Variants in RBFOX3 observed in about 807,000 individuals in gnomAD.
RBFOX3 encodes the protein RNA binding protein fox-1 homolog 3.
A neutral mutation model predicts 48.7 loss-of-function variants in RBFOX3; 17 were observed. That is an observed-to-expected ratio of 0.35 (90% CI 0.24 to 0.52). The LOEUF (loss-of-function observed/expected upper bound fraction) is 0.52, where lower values mean the gene tolerates loss of function less well. Among genes scored for constraint, RBFOX3 ranks in the 20% least tolerant of loss-of-function variants. The pLI, the probability that RBFOX3 is intolerant of heterozygous loss-of-function variation, is 0.94. For synonymous variants in RBFOX3, 212 were observed against 209.5 expected, an observed-to-expected ratio of 1.01 and a Z score of -0.10; for missense variants, 382 against 497.5, an observed-to-expected ratio of 0.77 and a Z score of 2.21.
At chr17:79,533,177 G>T (rs1289038235) in intron 1 of RBFOX3, among the ~76,000 whole-genome samples, 1 of 152,252 alleles carries the variant, frequency 6.6e-6, no homozygotes, top group African/African-American at 2.4e-5. Context: ...GCTGGGACTT[G>T]AACCCGGCCA....
chr17:79,320,929 A>G (rs1209489494), intron 2 of RBFOX3, among the ~76,000 whole-genome samples: 1 of 152,190 alleles, frequency 6.6e-6, no homozygotes, highest in African/African-American at 2.4e-5. Flanking sequence ...CTGCACATTC[A>G]GAGTCCGGCA....
At chr17:79,422,847 C>T (rs1204763991) in intron 2 of RBFOX3, among the ~76,000 whole-genome samples, 1 of 152,174 alleles carries the variant, frequency 6.6e-6, no homozygotes, top group Admixed American at 6.5e-5. Flanking sequence ...GGACCCTCAT[C>T]GGATGGGATT....
At chr17:79,626,783 T>C in the RBFOX3 span, among the ~76,000 whole-genome samples, 8 of 152,238 alleles carry the variant, frequency 5.3e-5, no homozygotes, top group East Asian at 1.6e-3. Context: ...CCGACACCCT[T>C]AGGATGGGGA....
chr17:79,533,938 G>C (rs1555788099), intron 1 of RBFOX3, among the ~76,000 whole-genome samples: 1 of 152,156 alleles, frequency 6.6e-6, no homozygotes, highest in African/African-American at 2.4e-5. Flanking sequence ...TATATATTTT[G>C]GGTTCTAAGT....
At chr17:79,522,593 A>G (rs905743638) in intron 1 of RBFOX3, among the ~76,000 whole-genome samples, 1 of 152,098 alleles carries the variant, frequency 6.6e-6, no homozygotes, top group African/African-American at 2.4e-5. Flanking sequence ...CTCCCCACTG[A>G]GAGGATACGA....
intron 12 of RBFOX3, among the ~76,000 whole-genome samples, 164 bp downstream of exon 12, chr17:79,096,489 G>A (rs906815333): frequency 6.6e-6 from 1 of 152,162 alleles, no homozygotes; most frequent in African/African-American, 2.4e-5. Flanking sequence ...GGGATTCTCA[G>A]GGATGCCATA....
At chr17:79,484,708 T>C (rs1430316402) in intron 1 of RBFOX3, among the ~76,000 whole-genome samples, 1 of 152,026 alleles carries the variant, frequency 6.6e-6, no homozygotes, top group African/African-American at 2.4e-5. Context: ...GCGGCAGGCT[T>C]CTCTGCGACC....
At chr17:79,281,112 C>T (rs1244437272) in intron 3 of RBFOX3, among the ~76,000 whole-genome samples, 3 of 152,246 alleles carry the variant, frequency 2.0e-5, no homozygotes, top group South Asian at 2.1e-4. Context: ...AGCCTTGGCA[C>T]GGACCAGCTA....
At chr17:79,124,715 G>C (rs897227430) in intron 4 of RBFOX3, among the ~76,000 whole-genome samples, 1 of 152,222 alleles carries the variant, frequency 6.6e-6, no homozygotes, top group African/African-American at 2.4e-5. Context: ...GGAGTGGCTG[G>C]CCTGCCAGGC....
At position 79,513,754 on chromosome 17, in the gene RBFOX3, C is replaced by T. The variant is rs868926297; in HGVS notation, c.-319-31156G>A. Reference sequence around the variant, plus strand: ...AGAAAGAACCGTCAGTGAGGCGGTACAGGCGCTGGGCACTTCACACAGCCT... The same window carrying T: ...AGAAAGAACCGTCAGTGAGGCGGTATAGGCGCTGGGCACTTCACACAGCCT... On this transcript the variant is annotated intron_variant, in intron 1 of 14. Coordinates refer to ENST00000693108, the MANE Select transcript of RBFOX3 (RefSeq NM_001350451.2). Among the ~76,000 whole-genome samples the T allele has an allele frequency of 1.4e-3, 216 of 152,348 alleles. 1 individual carries two copies. Among genetic ancestry groups the T allele is most frequent in the African/African-American group, 4.9e-3 (202 of 41,576 alleles).
intron 2 of RBFOX3, among the ~76,000 whole-genome samples, chr17:79,329,744 G>A (rs2079926383): frequency 1.3e-5 from 2 of 152,192 alleles, no homozygotes; most frequent in East Asian, 3.9e-4. Context: ...CGCCTGTCCT[G>A]GATTCACCCC....
At chr17:79,317,348 C>T (rs531412638) in intron 2 of RBFOX3, among the ~76,000 whole-genome samples, 2 of 152,378 alleles carry the variant, frequency 1.3e-5, no homozygotes, top group East Asian at 3.9e-4. Context: ...TGCAGTCAGG[C>T]CAATGGCCTT....
intron 2 of RBFOX3, among the ~76,000 whole-genome samples, chr17:79,321,543 A>G (rs1453165076): frequency 6.6e-6 from 1 of 152,044 alleles, no homozygotes; most frequent in Admixed American, 6.6e-5. Flanking sequence ...AACGGTGGTG[A>G]TGTGGGAGCT....
chr17:79,130,569 G>A (rs2038583676), intron 4 of RBFOX3, among the ~76,000 whole-genome samples: 1 of 152,212 alleles, frequency 6.6e-6, no homozygotes, highest in Non-Finnish European at 1.5e-5. Context: ...TTCCCCCTAG[G>A]GCCTCAGGGC....
chr17:79,517,016 G>A (rs1452151566), intron 1 of RBFOX3, among the ~76,000 whole-genome samples: 1 of 152,138 alleles, frequency 6.6e-6, no homozygotes, highest in African/African-American at 2.4e-5. Flanking sequence ...AGCTTTGGTT[G>A]GGGAAGATGA....
chr17:79,379,725 C>A (rs757052125), intron 2 of RBFOX3, among the ~76,000 whole-genome samples: 1 of 152,144 alleles, frequency 6.6e-6, no homozygotes, highest in Non-Finnish European at 1.5e-5. Context: ...GACTCATCTG[C>A]GCCCCCGAAG....
At chr17:79,365,127 G>GCACA (rs71365559) in intron 2 of RBFOX3, among the ~76,000 whole-genome samples, 384 of 150,846 alleles carry the variant, frequency 2.5e-3, no homozygotes, top group Non-Finnish European at 4.1e-3. Flanking sequence ...CTGGATGTGC[G>GCACA]CACACACACA....
At chr17:79,314,359 G>A (rs2145797815) in intron 2 of RBFOX3, among the ~76,000 whole-genome samples, 1 of 152,128 alleles carries the variant, frequency 6.6e-6, no homozygotes, top group East Asian at 1.9e-4. Flanking sequence ...TCTCTCGTGG[G>A]CACAGTGAGA....
chr17:79,496,916 G>C (rs1013350751), intron 1 of RBFOX3, among the ~76,000 whole-genome samples: 22 of 152,202 alleles, frequency 1.4e-4, no homozygotes, highest in African/African-American at 5.1e-4. Context: ...GAGTGATTTG[G>C]GTGTTACCTG....
Sources: gnomAD v4.1 joint callset for allele counts (sites outside exome capture counted in the v4.1 genomes callset) on GRCh38, gnomAD v4.1.1 for gene constraint, MANE v1.5 for transcripts, NCBI Gene and HGNC (gene_info 2026-07-23, HGNC 2026-07-21) for gene names.